The following FTCDNL1 variants were observed in gnomAD, a reference collection of about 807,000 sequenced individuals.
The protein encoded by FTCDNL1 is formiminotransferase N-terminal subdomain-containing protein.
A neutral mutation model predicts 5.9 loss-of-function variants in FTCDNL1; 11 were observed. The ratio of observed to expected loss-of-function variants is 1.87; its 90% CI spans 1.18 to 3.10. The LOEUF is 3.10. Among genes scored for constraint, FTCDNL1 ranks in the 30% most tolerant of loss-of-function variants. FTCDNL1 has a pLI of 0.00. For missense variants in FTCDNL1, 115 were observed against 65.5 expected (o/e 1.76, Z -2.61); for synonymous variants, 58 against 24.8 (o/e 2.34, Z -3.99).
At position 199,761,564 on chromosome 2, in the gene FTCDNL1, A is replaced by T. The variant is rs78580804; in HGVS notation, c.212-729T>A. ...TCCTGGGACTTTGGAGACAAATGAA[A>T]CTGAGGAAAACCTGATGCTCAATAT... On this transcript the variant is annotated intron_variant, in intron 3 of 3. Coordinates refer to the FTCDNL1 transcript ENST00000416668. Among the ~76,000 whole-genome samples the T allele has an allele frequency of 3.4e-3, 513 of 152,274 alleles. 10 individuals are homozygous for T. The highest frequency in any genetic ancestry group is 0.012 in the African/African-American group (502 of 41,556).
chr2:199,725,519 G>A, the FTCDNL1 span, among the ~76,000 whole-genome samples: 1 of 152,134 alleles, frequency 6.6e-6, no homozygotes, highest in Non-Finnish European at 1.5e-5. Flanking sequence ...TGTAGAGGCT[G>A]GTAACAGTTT....
At chr2:199,789,969 C>T (rs1241429782) in intron 3 of FTCDNL1, among the ~76,000 whole-genome samples, 8 of 152,136 alleles carry the variant, frequency 5.3e-5, no homozygotes, top group Admixed American at 3.3e-4. Context: ...TGGAAGGATA[C>T]ACCATGTTCT....
At chr2:199,740,291 A>G in the FTCDNL1 span, among the ~76,000 whole-genome samples, 14 of 152,330 alleles carry the variant, frequency 9.2e-5, no homozygotes, top group East Asian at 2.7e-3. Context: ...GAGATGGAGC[A>G]GGGCCTGGAG....
chr2:199,728,351 A>G, the FTCDNL1 span, among the ~76,000 whole-genome samples: 32 of 151,208 alleles, frequency 2.1e-4, no homozygotes, highest in Admixed American at 1.9e-3. Flanking sequence ...GGTTCATGCC[A>G]TTCTCCTGCC....
chr2:199,670,190 TAGAG>T, the FTCDNL1 span, among the ~76,000 whole-genome samples: 10 of 152,232 alleles, frequency 6.6e-5, no homozygotes, highest in African/African-American at 2.2e-4. Context: ...ATATTTGTGA[TAGAG>T]AGAACTTTCT....
intron 3 of FTCDNL1, among the ~76,000 whole-genome samples, chr2:199,822,967 C>T (rs574977801): frequency 6.6e-6 from 1 of 152,298 alleles, no homozygotes; most frequent in East Asian, 1.9e-4. Flanking sequence ...TCTCATGCCT[C>T]AGCCTCCCAA....
the FTCDNL1 span, among the ~76,000 whole-genome samples, chr2:199,698,599 C>T: frequency 6.6e-6 from 1 of 152,082 alleles, no homozygotes. Context: ...ATGCAACATA[C>T]CAGAATCTCT....
chr2:199,835,944 G>T (rs1368998063), intron 3 of FTCDNL1, among the ~76,000 whole-genome samples: 1 of 152,122 alleles, frequency 6.6e-6, no homozygotes, highest in Non-Finnish European at 1.5e-5. Context: ...ATGACTCCTG[G>T]TTTAACACTG....
chr2:199,718,831 G>A, the FTCDNL1 span, among the ~76,000 whole-genome samples: 2 of 152,120 alleles, frequency 1.3e-5, no homozygotes, highest in African/African-American at 4.8e-5. Context: ...TCTTGGCCAA[G>A]TGGATGTCTT....
At chr2:199,761,520 C>A (rs1055867276) in intron 3 of FTCDNL1, among the ~76,000 whole-genome samples, 4 of 152,202 alleles carry the variant, frequency 2.6e-5, no homozygotes, top group Non-Finnish European at 4.4e-5. Context: ...ATGCCTCCCA[C>A]CTGGCCCATC....
chr2:199,716,678 T>G, the FTCDNL1 span, among the ~76,000 whole-genome samples: 4 of 152,144 alleles, frequency 2.6e-5, no homozygotes, highest in African/African-American at 9.7e-5. Context: ...AATAGGACCT[T>G]ACTATAACGC....
the FTCDNL1 span, among the ~76,000 whole-genome samples, chr2:199,676,268 C>T: frequency 6.6e-6 from 1 of 152,106 alleles, no homozygotes; most frequent in Non-Finnish European, 1.5e-5. Context: ...GTTTGCCAGA[C>T]CTTGCTGGTC....
intron 3 of FTCDNL1, among the ~76,000 whole-genome samples, chr2:199,772,861 G>T (rs1444636908): frequency 6.6e-6 from 1 of 152,196 alleles, no homozygotes; most frequent in Non-Finnish European, 1.5e-5. Context: ...GAGCACATTT[G>T]CCAGATCTGT....
intron 3 of FTCDNL1, among the ~76,000 whole-genome samples, chr2:199,821,716 GC>G (rs1260579902): frequency 1.3e-5 from 2 of 152,236 alleles, no homozygotes; most frequent in African/African-American, 2.4e-5. Flanking sequence ...GCCTGCCTCA[GC>G]CTCCCAAAGT....
chr2:199,722,479 GGTCT>G, the FTCDNL1 span, among the ~76,000 whole-genome samples: 3 of 151,650 alleles, frequency 2.0e-5, no homozygotes, highest in African/African-American at 4.8e-5. Flanking sequence ...ATGTTCCATT[GGTCT>G]GTCTGTTTTT....
At chr2:199,758,023 T>A (rs911233544), downstream of FTCDNL1, among the ~76,000 whole-genome samples, 1 of 152,162 alleles carries the variant, frequency 6.6e-6, no homozygotes, top group African/African-American at 2.4e-5. Context: ...AACCTATTCC[T>A]TTTCTTGAGT....
chr2:199,673,242 T>G, the FTCDNL1 span, among the ~76,000 whole-genome samples: 1 of 149,312 alleles, frequency 6.7e-6, no homozygotes, highest in African/African-American at 2.5e-5. Flanking sequence ...GCAGGAGAAT[T>G]GCTTAGACCT....
chr2:199,682,833 T>C, the FTCDNL1 span, among the ~76,000 whole-genome samples: 2 of 152,230 alleles, frequency 1.3e-5, no homozygotes, highest in African/African-American at 4.8e-5. Flanking sequence ...TGCAGATCTT[T>C]CATTAAGGGA....
intron 3 of FTCDNL1, among the ~76,000 whole-genome samples, chr2:199,802,256 G>A (rs188676431): frequency 2.6e-3 from 399 of 152,242 alleles, no homozygotes; most frequent in African/African-American, 9.0e-3. Context: ...TACAAGTGAG[G>A]GCACCTACAT....
Sources: gnomAD v4.1 joint callset for allele counts (sites outside exome capture counted in the v4.1 genomes callset) on GRCh38, gnomAD v4.1.1 for gene constraint, MANE v1.5 for transcripts, NCBI Gene and HGNC (gene_info 2026-07-23, HGNC 2026-07-21) for gene names.